Variants in SLC44A2 observed in about 807,000 individuals in gnomAD.
SLC44A2 encodes choline transporter-like protein 2.
SLC44A2 carries 57 observed loss-of-function variants against 90.8 expected under a neutral mutation model. The ratio of observed to expected loss-of-function variants is 0.63; its 90% CI spans 0.51 to 0.78. SLC44A2 has a LOEUF of 0.78. SLC44A2 is among the 30% of genes least tolerant of loss of function. The pLI is 0.00. For synonymous variants in SLC44A2, 355 were observed against 360.7 expected, an observed-to-expected ratio of 0.98 and a Z score of 0.18; for missense variants, 794 against 919.7, an observed-to-expected ratio of 0.86 and a Z score of 1.77.
chr19:10,613,535 G>A (rs1158918013), intron 1 of SLC44A2, among the ~76,000 whole-genome samples: 1 of 152,154 alleles, frequency 6.6e-6, no homozygotes, highest in African/African-American at 2.4e-5. Flanking sequence ...ACAGGTGTAA[G>A]CCACTGCGCC....
intron 14 of SLC44A2, chr19:10,636,119 G>T: frequency 1.6e-6 from 1 of 616,514 alleles, no homozygotes; most frequent in South Asian, 2.2e-5. Flanking sequence ...CCCTCTTCTT[G>T]ACCCCAGTGA....
chr19:10,632,747 A>G (rs1474339927), intron 10 of SLC44A2, among the ~76,000 whole-genome samples: 1 of 149,794 alleles, frequency 6.7e-6, no homozygotes, highest in African/African-American at 2.5e-5. Context: ...ATCTTGGCTC[A>G]CTGCAACCTC....
In SLC44A2 at chr19:10,637,746, T is replaced by C. The variant is rs2067073823; in HGVS notation, c.1694T>C (p.Met565Thr). 1 of 1,613,588 alleles carries C rather than the reference T, an allele frequency of 6.2e-7. No individual in the cohort carries two copies. The highest frequency in any genetic ancestry group is 1.1e-5 in the South Asian group (1 of 91,074). ...IKFLNRNAYIMIAIYGTNFCT... is the reference protein window; with the variant it reads ...IKFLNRNAYITIAIYGTNFCT... ...TTCCTTAATAGGAATGCCTACATCA[T>C]GGTGAGTGGGCCTGGGACCCCCAAC... Residue 565 changes from methionine (M) to threonine (T), a missense_variant and splice_region_variant, in exon 17 of 22, where the codon ATG becomes ACG. Physicochemically the swap from Met to Thr is moderately conservative, Grantham distance 81. Coordinates refer to ENST00000335757, the MANE Select transcript of SLC44A2 (RefSeq NM_020428.4).
chr19:10,641,003 C>T (rs2067109425), intron 20 of SLC44A2: 1 of 357,402 alleles, frequency 2.8e-6, no homozygotes, highest in East Asian at 8.6e-5. Flanking sequence ...AAGAGAATCG[C>T]TTGAACCCGG....
intron 20 of SLC44A2, 61 bp from the exon 21 acceptor site, chr19:10,642,305 AG>A: frequency 1.4e-6 from 2 of 1,424,360 alleles, no homozygotes; most frequent in Non-Finnish European, 2.0e-6. Context: ...GGATGGACTC[AG>A]GGGGTGGGGG....
In SLC44A2 at chr19:10,637,635, C is replaced by G. The variant is rs780832442; in HGVS notation, c.1592-9C>G. 36 of 1,613,300 alleles carry G rather than the reference C, an allele frequency of 2.2e-5. No homozygotes were observed. The highest frequency in any genetic ancestry group is 2.9e-5 in the Non-Finnish European group (34 of 1,179,438). ...CCCTCACTTCCACATCCCTTCCCTT[C>G]TCTTCCAGCTGCAGAGAACAAGTTT... is the stretch of plus-strand genomic sequence containing the variant. On this transcript the variant is annotated splice_polypyrimidine_tract_variant and intron_variant, in intron 16 of 21. Coordinates refer to ENST00000335757, the MANE Select transcript of SLC44A2 (RefSeq NM_020428.4).
chr19:10,630,861 C>G (rs896165088), intron 4 of SLC44A2, among the ~76,000 whole-genome samples, 196 bp from the exon 5 acceptor site: 1 of 150,372 alleles, frequency 6.7e-6, no homozygotes, highest in Non-Finnish European at 1.5e-5. Flanking sequence ...AAAAATTAGC[C>G]GGGCTTGGTA....
At position 10,631,656 on chromosome 19, in the gene SLC44A2, C is replaced by G. The variant is rs577326622; in HGVS notation, c.533C>G (p.Ala178Gly). Reference protein sequence around the residue: ...LARRCFPAIHAYKGVLMVGNE... With the variant: ...LARRCFPAIHGYKGVLMVGNE... ...CGGAGATGCTTCCCCGCTATCCACGCCTACAAGGGTGTCCTGATGGTGGGC... is the reference window on the plus strand; with the variant it reads ...CGGAGATGCTTCCCCGCTATCCACGGCTACAAGGGTGTCCTGATGGTGGGC... Residue 178 changes from alanine to glycine, a missense_variant, in exon 8 of 22, where the codon GCC (alanine) becomes GGC (glycine). Ala to Gly is a moderately conservative substitution (Grantham distance 60). Coordinates refer to ENST00000335757, the MANE Select transcript of SLC44A2 (RefSeq NM_020428.4). 8.1e-6 allele frequency: 13 copies of G among 1,613,704 alleles called. No individual in the cohort carries two copies. Among genetic ancestry groups the G allele is most frequent in the Admixed American group, 5.0e-5 (3 of 60,020 alleles).
At chr19:10,635,389 G>C (rs763564531) in intron 13 of SLC44A2, 42 bp from the exon 14 acceptor site, 3 of 1,610,816 alleles carry the variant, frequency 1.9e-6, no homozygotes, top group Non-Finnish European at 2.5e-6. Context: ...AAGTCCCTGG[G>C]GTCCTCAGTC....
At chr19:10,642,884 G>C (rs751789598) in intron 21 of SLC44A2, 1 of 1,575,742 alleles carries the variant, frequency 6.3e-7, no homozygotes. Context: ...GCCGGTTCCC[G>C]GGGGGAGCCC....
In SLC44A2 at chr19:10,635,047, G is replaced by A. The variant is rs775885780; in HGVS notation, c.1029G>A (p.Ala343=). 1.9e-5 allele frequency: 30 copies of A among 1,614,024 alleles called. No individual in the cohort carries two copies. The African/African-American group carries it at 3.2e-4, about 17-fold the overall frequency. The change falls in exon 12 of 22, where the codon GCG becomes GCA. Residue 343 remains alanine, a synonymous_variant. Transcript: ENST00000335757. ...LIFLRKRILI[A]IALIKEASRA... is the part of the protein sequence containing the mutation. ...TTCTCCGGAAGAGAATTCTCATCGC[G>A]ATTGCACTCATCAAAGAAGCCAGCA...
chr19:10,636,951 G>C, intron 16 of SLC44A2, 195 bp downstream of exon 16: 1 of 597,978 alleles, frequency 1.7e-6, no homozygotes, highest in South Asian at 2.2e-5. Flanking sequence ...AGAACCTACT[G>C]GGTGGAATTC....
chr19:10,631,517 C>T lies in SLC44A2; in HGVS notation c.484C>T (p.Leu162Phe). Reference sequence around the variant, plus strand: ...TCAAGATGGTGACTGCCCTGCTGTCCTCATCCCCAGCAAACCCTGTGAGTC... The same window carrying T: ...TCAAGATGGTGACTGCCCTGCTGTCTTCATCCCCAGCAAACCCTGTGAGTC... Reference protein sequence around the residue: ...VLQDGDCPAVLIPSKPLARRC... With the variant: ...VLQDGDCPAVFIPSKPLARRC... Residue 162 changes from leucine to phenylalanine, a missense_variant, in exon 7 of 22, where the codon CTC (leucine) becomes TTC (phenylalanine). Leu to Phe is a conservative substitution (Grantham distance 22). Around this residue, in one of 3 missense-constraint regions of SLC44A2, gnomAD observed 738 missense variants for 841.1 expected, o/e 0.88. Coordinates refer to ENST00000335757, the MANE Select transcript of SLC44A2 (RefSeq NM_020428.4). 3 of 1,614,048 alleles carry T rather than the reference C, an allele frequency of 1.9e-6. No homozygotes were observed. Among genetic ancestry groups the T allele is most frequent in the South Asian group, 1.1e-5 (1 of 91,074 alleles).
At chr19:10,607,217 G>A (rs945479990) in intron 1 of SLC44A2, among the ~76,000 whole-genome samples, 3 of 151,790 alleles carry the variant, frequency 2.0e-5, no homozygotes, top group Admixed American at 2.0e-4. Flanking sequence ...CCGGCCTCTT[G>A]GGGCTATTTT....
intron 1 of SLC44A2, among the ~76,000 whole-genome samples, chr19:10,614,007 C>T (rs937481699): frequency 4.6e-5 from 7 of 151,680 alleles, no homozygotes; most frequent in African/African-American, 1.7e-4. Flanking sequence ...CTCTTGTTGC[C>T]CAGGCTGGAG....
intron 4 of SLC44A2, among the ~76,000 whole-genome samples, chr19:10,628,266 T>G (rs1440808869): frequency 6.6e-6 from 1 of 152,132 alleles, no homozygotes. Context: ...ATGCCTGTAA[T>G]CCCAGCTACT....
intron 11 of SLC44A2, 24 bp from the exon 12 acceptor site, chr19:10,634,950 C>T (rs374204891): frequency 4.5e-5 from 73 of 1,614,014 alleles, no homozygotes; most frequent in South Asian, 2.0e-4. Flanking sequence ...GGAGCCCAGC[C>T]GGCTCAGCCT....
intron 1 of SLC44A2, among the ~76,000 whole-genome samples, chr19:10,608,221 T>G (rs953267801): frequency 2.2e-5 from 3 of 137,852 alleles, no homozygotes; most frequent in African/African-American, 7.8e-5. Context: ...AGACTCCGTC[T>G]CAAAGAAAAA....
In SLC44A2 at chr19:10,631,049, A is replaced by G. The variant is rs766547733; in HGVS notation, c.246-8A>G. 3.1e-6 allele frequency: 5 copies of G among 1,605,038 alleles called. No individual in the cohort carries two copies. Among genetic ancestry groups the G allele is most frequent in the Non-Finnish European group, 4.3e-6 (5 of 1,175,626 alleles). ...TAACAGTTTCCATTCTCCCTTCTCTAACTCCAGGAACAAACCCTATCTGTT... is the reference window on the plus strand; with the variant it reads ...TAACAGTTTCCATTCTCCCTTCTCTGACTCCAGGAACAAACCCTATCTGTT... On this transcript the variant is annotated splice_region_variant and splice_polypyrimidine_tract_variant and intron_variant, in intron 4 of 21. Transcript: ENST00000335757.
Sources: gnomAD v4.1 joint callset for allele counts (sites outside exome capture counted in the v4.1 genomes callset) on GRCh38, gnomAD v4.1.1 for gene constraint, gnomAD v4.1.1 regional missense constraint, MANE v1.5 for transcripts, NCBI Gene and HGNC (gene_info 2026-07-23, HGNC 2026-07-21) for gene names.